Variants in CFAP44 observed in about 807,000 individuals in gnomAD.
CFAP44 encodes cilia- and flagella-associated protein 44.
In CFAP44, 134 loss-of-function variants were observed where a neutral mutation model predicts 216.2. The observed-to-expected ratio is 0.62, with a 90% CI of 0.54 to 0.72. CFAP44 has a LOEUF of 0.72. Ranked by LOEUF, CFAP44 falls within the 30% of genes least tolerant of loss-of-function variation. The probability of loss-of-function intolerance (pLI) is 0.00; values close to 1 mark genes in which losing one functional copy is unlikely to be tolerated. For synonymous variants in CFAP44, 700 were observed against 727.6 expected (o/e 0.96, Z 0.61); for missense variants, 2,035 against 2,182.1 (o/e 0.93, Z 1.34).
At chr3:113,311,726 G>A (rs1055680000) in intron 28 of CFAP44, among the ~76,000 whole-genome samples, 1 of 152,132 alleles carries the variant, frequency 6.6e-6, no homozygotes, top group Non-Finnish European at 1.5e-5. Flanking sequence ...AGTTTGGAGG[G>A]CTCAGAAGAA....
intron 4 of CFAP44, among the ~76,000 whole-genome samples, chr3:113,423,167 T>C (rs1043095114): frequency 2.9e-5 from 4 of 135,828 alleles, no homozygotes; most frequent in Non-Finnish European, 1.5e-5. Context: ...CAGCCTGGAG[T>C]GCAGTGGCAT....
chr3:113,342,831 A>ATAAC (rs1950345405), intron 23 of CFAP44, among the ~76,000 whole-genome samples: 1 of 149,420 alleles, frequency 6.7e-6, no homozygotes, highest in Admixed American at 6.6e-5. Context: ...CTCTGCTAAA[A>ATAAC]ATACATAAAA....
rs1242250774 is a variant in CFAP44, at chr3:113,327,806, AC to A, written c.4129del (p.Val1377LeufsTer16). 3 of 1,536,562 alleles carry A rather than the reference AC, an allele frequency of 2.0e-6. No individual in the cohort carries two copies. The highest frequency in any genetic ancestry group is 2.6e-6 in the Non-Finnish European group (3 of 1,146,622). On this transcript the variant is annotated frameshift_variant, in exon 27 of 35. Transcript: ENST00000393845. LOFTEE classifies it high-confidence loss of function. ...QYLVNRIKEL[V>X]VTFDAELRLL... Reference sequence around the variant, plus strand: ...ACGGAGTTCTGCATCGAAAGTGACAACCAGTTCTTTGATCTGAGATGGAAAA... The same window carrying A: ...ACGGAGTTCTGCATCGAAAGTGACAACAGTTCTTTGATCTGAGATGGAAAA...
chr3:113,291,574 G>A lies in CFAP44; in HGVS notation c.5548C>T (p.Gln1850Ter), dbSNP rs1448927689. 3.3e-6 allele frequency: 5 copies of A among 1,537,054 alleles called. No individual in the cohort carries two copies. The East Asian group carries it at 9.8e-5, about 30-fold the overall frequency. ...TAGCAAACTCAAAGGTCTGCGGGCT[G>A]TATCTCTTTCTCTCGTGGAGACTGA... ...PIQSPREKEIQPADL is the reference protein window; with the variant it reads ...PIQSPREKEI The change falls in exon 35 of 35, where the codon CAG becomes TAG. Residue 1850 changes from glutamine to a stop codon, truncating the protein, a stop_gained. Transcript: ENST00000393845. LOFTEE classifies it high-confidence loss of function.
At chr3:113,364,345 G>A (rs1950568986) in intron 19 of CFAP44, among the ~76,000 whole-genome samples, 1 of 152,108 alleles carries the variant, frequency 6.6e-6, no homozygotes, top group South Asian at 2.1e-4. Context: ...AGTAAATAAA[G>A]ATTCTCTTTT....
intron 32 of CFAP44, among the ~76,000 whole-genome samples, chr3:113,301,572 T>G (rs1949935980): frequency 6.6e-6 from 1 of 152,180 alleles, no homozygotes; most frequent in African/African-American, 2.4e-5. Context: ...TATACCTCAA[T>G]TTTAAGTGGG....
In CFAP44 at chr3:113,441,087, C is replaced by T. The variant is rs576534208; in HGVS notation, c.-6+366G>A. Among the ~76,000 whole-genome samples, 128 of 152,328 alleles carry T rather than the reference C, an allele frequency of 8.4e-4. 1 individual carries two copies. The South Asian group carries it at 0.025, about 30-fold the overall frequency. ...GGAAGCCGAAGTGCAGAGGGCCCAGCGTGCCAAGCGTCGCACCCAGCTGAG... is the reference window on the plus strand; with the variant it reads ...GGAAGCCGAAGTGCAGAGGGCCCAGTGTGCCAAGCGTCGCACCCAGCTGAG... On this transcript the variant is annotated intron_variant, in intron 1 of 34. Transcript: ENST00000393845.
chr3:113,406,298 G>C (rs977656156), intron 8 of CFAP44, among the ~76,000 whole-genome samples: 3 of 152,104 alleles, frequency 2.0e-5, no homozygotes, highest in South Asian at 2.1e-4. Context: ...AAGTCTTCTT[G>C]GATCACGATA....
chr3:113,400,631 T>C lies in CFAP44; in HGVS notation c.1388A>G (p.Glu463Gly), dbSNP rs1213028191. The change falls in exon 12 of 35, where the codon GAA becomes GGA. Residue 463 changes from glutamate (E) to glycine (G), a missense_variant. Glu to Gly is a moderately conservative substitution (Grantham distance 98, BLOSUM62 -2). Around this residue, in one of 3 missense-constraint regions of CFAP44, gnomAD observed 1,883 missense variants for 2,023.7 expected, o/e 0.93. Transcript: ENST00000393845. ...LSFSNITQDP[E>G]CLFSFHSGAI... is the part of the protein sequence containing the mutation. ...TCCAGAATGGAAGGAGAAGAGGCAT[T>C]CTGGGTCCTGGGTCTGAGAATAGAT... 1 of 1,610,154 alleles carries C rather than the reference T, an allele frequency of 6.2e-7. No individual in the cohort carries two copies. Among genetic ancestry groups the C allele is most frequent in the Non-Finnish European group, 8.5e-7 (1 of 1,178,282 alleles).
At chr3:113,439,715 T>A (rs1935317009) in intron 1 of CFAP44, among the ~76,000 whole-genome samples, 1 of 152,222 alleles carries the variant, frequency 6.6e-6, no homozygotes, top group African/African-American at 2.4e-5. Flanking sequence ...TACACATTGA[T>A]GCAGAGGAGT....
Position 113,291,300 on chromosome 3 carries a change from C to T in CFAP44, c.*257G>A, listed in dbSNP as rs537641514. The T allele has an allele frequency of 9.0e-6, 3 of 333,424 alleles. No homozygotes were observed. The highest frequency in any genetic ancestry group is 9.3e-5 in the East Asian group (2 of 21,482). The allele number at this position is 333,424 out of a possible 1,614,324, so 20.7% of individuals were successfully genotyped here. A position where few individuals can be genotyped will look rare whatever the true frequency, so the allele number is the denominator to read the frequency against. ...GCTGCAATCATGAAACACAGCCTTC[C>T]GAGACTTCATATTCAATCTAGTAGG... On this transcript the variant is annotated 3_prime_UTR_variant, in exon 35 of 35. Transcript: ENST00000393845.
intron 2 of CFAP44, among the ~76,000 whole-genome samples, chr3:113,430,438 A>AC (rs1193257992): frequency 6.7e-6 from 1 of 149,106 alleles, no homozygotes; most frequent in Non-Finnish European, 1.5e-5. Context: ...TGAAAAAAAA[A>AC]AAAAAAACAA....
intron 15 of CFAP44, among the ~76,000 whole-genome samples, chr3:113,383,112 T>C (rs1178111889): frequency 6.6e-6 from 1 of 152,226 alleles, no homozygotes; most frequent in Non-Finnish European, 1.5e-5. Flanking sequence ...GGACTTTTGC[T>C]AGATGGGTAT....
chr3:113,358,934 T>G, intron 21 of CFAP44, 59 bp from the exon 22 acceptor site: 1 of 1,487,612 alleles, frequency 6.7e-7, no homozygotes, highest in Non-Finnish European at 8.9e-7. Flanking sequence ...GTTTCATATA[T>G]TTCAGTTTTG....
chr3:113,319,078 C>T (rs1950117327), intron 28 of CFAP44, among the ~76,000 whole-genome samples: 1 of 151,876 alleles, frequency 6.6e-6, no homozygotes, highest in Non-Finnish European at 1.5e-5. Flanking sequence ...TCAAAAATCA[C>T]ACGTATCAAT....
At chr3:113,366,935 C>A (rs947426446) in intron 18 of CFAP44, among the ~76,000 whole-genome samples, 1 of 152,232 alleles carries the variant, frequency 6.6e-6, no homozygotes, top group African/African-American at 2.4e-5. Context: ...GCGGGTCCCA[C>A]GCCCATGGAG....
At chr3:113,360,026 C>A (rs1279672149) in intron 21 of CFAP44, among the ~76,000 whole-genome samples, 1 of 148,702 alleles carries the variant, frequency 6.7e-6, no homozygotes, top group African/African-American at 2.5e-5. Flanking sequence ...TGGCTAAGTA[C>A]AATAAGAGTT....
intron 15 of CFAP44, among the ~76,000 whole-genome samples, chr3:113,390,302 C>T (rs1933761345): frequency 6.6e-6 from 1 of 152,062 alleles, no homozygotes. Context: ...AACATCCCAT[C>T]ATGACAAAAA....
In CFAP44 at chr3:113,304,112, C is replaced by T; in HGVS notation, c.4881G>A (p.Glu1627=). ...VVIPLKLHQI[E]YVVFGEIPSD... is the part of the protein sequence containing the mutation. ...TAGGTATTTCTCCAAATACCACATA[C>T]TCTATCTACAAGCATAAAACAAATC... Residue 1627 remains glutamate (E), a synonymous_variant, in exon 32 of 35, where the codon GAG becomes GAA. Coordinates refer to ENST00000393845, the MANE Select transcript of CFAP44 (RefSeq NM_001164496.2). 6.5e-7 allele frequency: 1 copy of T among 1,536,842 alleles called. No homozygotes were observed. The highest frequency in any genetic ancestry group is 8.7e-7 in the Non-Finnish European group (1 of 1,146,702).
Sources: allele counts gnomAD v4.1 joint callset (sites outside exome capture counted in the v4.1 genomes callset), GRCh38; gene constraint gnomAD v4.1.1; regional missense constraint gnomAD v4.1.1; transcripts MANE v1.5; gene names NCBI Gene and HGNC (gene_info 2026-07-23, HGNC 2026-07-21).